DUSP15: variants seen among roughly 807,000 people sequenced by gnomAD.
DUSP15 encodes dual specificity protein phosphatase 15.
Under a neutral mutation model 26.3 loss-of-function variants are expected in DUSP15, and 23 were observed. The observed-to-expected ratio is 0.87, with a 90% CI of 0.63 to 1.24. DUSP15 has a LOEUF of 1.24. Ranked by LOEUF, DUSP15 falls within the 50% of genes most tolerant of loss-of-function variation. The pLI, the probability that DUSP15 is intolerant of heterozygous loss-of-function variation, is 0.00. For synonymous variants in DUSP15, 143 were observed against 135.5 expected (o/e 1.06, Z -0.39); for missense variants, 364 against 320.6 (o/e 1.14, Z -1.03).
chr20:31,862,384 A>AT (rs1348855141), intron 6 of DUSP15, among the ~76,000 whole-genome samples, 187 bp downstream of exon 6: 1 of 152,200 alleles, frequency 6.6e-6, no homozygotes, highest in Admixed American at 6.5e-5. Flanking sequence ...TAAATTGAAA[A>AT]AGAAAACACC....
chr20:31,847,135 ACTT>A (rs2062385691), downstream of DUSP15, among the ~76,000 whole-genome samples: 1 of 152,004 alleles, frequency 6.6e-6, no homozygotes, highest in Non-Finnish European at 1.5e-5. Context: ...CCCTACACTT[ACTT>A]CTTCAACCAA....
exon 8 of DUSP15, chr20:31,849,789 G>A (rs763378127): frequency 6.5e-7 from 1 of 1,540,882 alleles, no homozygotes; most frequent in Non-Finnish European, 8.7e-7. Flanking sequence ...GCCGCCCGCG[G>A]ACTCAGACGA....
downstream of DUSP15, chr20:31,847,632 A>G (rs1169599716): frequency 1.3e-5 from 2 of 152,182 alleles, no homozygotes; most frequent in East Asian, 3.8e-4. Flanking sequence ...AAAAGGCCTG[A>G]TATGTGGGGT....
At chr20:31,869,931 G>T in intron 1 of DUSP15, 1 of 1,356,688 alleles carries the variant, frequency 7.4e-7, no homozygotes, top group Non-Finnish European at 9.5e-7. Context: ...CTGGGGCTGG[G>T]GAGGCAGAAA....
chr20:31,852,718 G>A (rs545469855), intron 6 of DUSP15, among the ~76,000 whole-genome samples: 2 of 152,326 alleles, frequency 1.3e-5, no homozygotes, highest in South Asian at 4.1e-4. Flanking sequence ...GGCTGAGGCA[G>A]GAGAATCGCT....
chr20:31,845,608 G>T, downstream of DUSP15: 1 of 1,570,968 alleles, frequency 6.4e-7, no homozygotes. Context: ...CTGGCGTCCG[G>T]AATAGCCTGC....
exon 10 of DUSP15, chr20:31,848,392 T>G: frequency 6.2e-7 from 1 of 1,609,290 alleles, no homozygotes; most frequent in South Asian, 1.1e-5. Flanking sequence ...GCCCCCCTGT[T>G]GGGGGCTGCC....
downstream of DUSP15, among the ~76,000 whole-genome samples, chr20:31,857,549 C>T (rs2062580726): frequency 6.6e-6 from 1 of 152,206 alleles, no homozygotes; most frequent in Non-Finnish European, 1.5e-5. Context: ...CATGCATGAA[C>T]TGCCCCTCCT....
chr20:31,870,580 T>A, upstream of DUSP15: 2 of 1,448,822 alleles, frequency 1.4e-6, no homozygotes, highest in Non-Finnish European at 1.8e-6. This position sits in a 1 kb window ranked among gnomAD's most constrained non-coding sequence, Gnocchi z 6.6. Flanking sequence ...TCCTACCCCT[T>A]CGGTCATGTG....
downstream of DUSP15, among the ~76,000 whole-genome samples, chr20:31,857,953 G>T (rs1306699628): frequency 3.3e-5 from 5 of 152,210 alleles, no homozygotes; most frequent in Non-Finnish European, 7.3e-5. Context: ...GGTGGTGCAG[G>T]TCGTGGCAGC....
chr20:31,851,225 G>A (rs941304120), intron 6 of DUSP15, among the ~76,000 whole-genome samples: 8 of 152,256 alleles, frequency 5.3e-5, no homozygotes, highest in South Asian at 2.1e-4. Flanking sequence ...GGGTAAATGC[G>A]GAGGTGAGGG....
chr20:31,860,337 A>G (rs560593962), downstream of DUSP15, among the ~76,000 whole-genome samples: 1 of 152,352 alleles, frequency 6.6e-6, no homozygotes, highest in South Asian at 2.1e-4. Flanking sequence ...ATTGGGTTAT[A>G]GCTATTTTCG....
At chr20:31,849,884 G>C in intron 7 of DUSP15, 2 of 1,484,872 alleles carry the variant, frequency 1.3e-6, no homozygotes, top group Admixed American at 4.6e-5. Context: ...GCTGTGGGGC[G>C]AGAGAGGGTG....
downstream of DUSP15, among the ~76,000 whole-genome samples, chr20:31,846,476 G>GAGAGAGAGAGAGAGA (rs1555791617): frequency 2.3e-5 from 3 of 128,446 alleles, no homozygotes; most frequent in African/African-American, 1.2e-4. Context: ...GAGAGAGAGA[G>GAGAGAGAGAGAGAGA]GAGAGAGAGG....
At chr20:31,857,229 G>C (rs534694380), downstream of DUSP15, among the ~76,000 whole-genome samples, 6 of 152,146 alleles carry the variant, frequency 3.9e-5, no homozygotes, top group South Asian at 1.2e-3. Context: ...ATTGCTCAGG[G>C]AAGAGAGCCC....
At chr20:31,850,576 A>C (rs368331678) in intron 7 of DUSP15, 34 of 1,594,150 alleles carry the variant, frequency 2.1e-5, no homozygotes, top group Non-Finnish European at 1.7e-6. Flanking sequence ...CCAGTTCAGC[A>C]CACTGGTCGG....
At chr20:31,862,123 C>A (rs571385862) in intron 6 of DUSP15, among the ~76,000 whole-genome samples, 1 of 152,282 alleles carries the variant, frequency 6.6e-6, no homozygotes, top group Non-Finnish European at 1.5e-5. Context: ...GAGCCCTCCC[C>A]CTCTCATCCT....
At chr20:31,848,382 GC>G in exon 10 of DUSP15, 1 of 1,606,632 alleles carries the variant, frequency 6.2e-7, no homozygotes, top group Non-Finnish European at 8.5e-7. Context: ...GGAGTAGGGA[GC>G]CCCCCTGTTG....
At chr20:31,849,789 G>T in exon 8 of DUSP15, 3 of 1,540,882 alleles carry the variant, frequency 1.9e-6, no homozygotes, top group Non-Finnish European at 2.6e-6. Context: ...GCCGCCCGCG[G>T]ACTCAGACGA....
Sources: gnomAD v4.1 joint callset for allele counts (sites outside exome capture counted in the v4.1 genomes callset) on GRCh38, gnomAD v4.1.1 for gene constraint, Gnocchi (gnomAD v3.1) non-coding constraint, MANE v1.5 for transcripts, NCBI Gene and HGNC (gene_info 2026-07-23, HGNC 2026-07-21) for gene names.